C11orf65: variants seen among roughly 807,000 people sequenced by gnomAD.
C11orf65 encodes protein MFI.
In C11orf65, 38 loss-of-function variants were observed where a neutral mutation model predicts 35.3. That is an observed-to-expected ratio of 1.08 (90% CI 0.83 to 1.41). C11orf65 has a LOEUF of 1.41. C11orf65 is among the 40% of genes most tolerant of loss of function. The probability of loss-of-function intolerance (pLI) is 0.00; values close to 1 mark genes in which losing one functional copy is unlikely to be tolerated. For synonymous variants in C11orf65, 105 were observed against 114.4 expected (o/e 0.92, Z 0.53); for missense variants, 370 against 367.1 (o/e 1.01, Z -0.06).
intron 6 of C11orf65, chr11:108,316,150 G>C (rs755970192): frequency 1.3e-6 from 2 of 1,552,062 alleles, no homozygotes; most frequent in Non-Finnish European, 1.8e-6. Context: ...GCCATCACTA[G>C]TGTAGTGCTG....
intron 2 of C11orf65, among the ~76,000 whole-genome samples, chr11:108,359,226 A>C (rs2090411820): frequency 2.0e-5 from 3 of 151,388 alleles, no homozygotes; most frequent in African/African-American, 7.3e-5. Flanking sequence ...TAAAGGGATC[A>C]ATTCAACAAG....
At chr11:108,422,297 T>C (rs527863564) in intron 3 of C11orf65, among the ~76,000 whole-genome samples, 6 of 152,316 alleles carry the variant, frequency 3.9e-5, no homozygotes, top group African/African-American at 1.2e-4. Flanking sequence ...GGTGTGGAAA[T>C]TGAAAAGCTA....
chr11:108,321,104 C>T (rs2085172913), intron 6 of C11orf65, among the ~76,000 whole-genome samples: 2 of 152,088 alleles, frequency 1.3e-5, no homozygotes, highest in Admixed American at 6.5e-5. Context: ...GTAAGTGGAC[C>T]ATGCATTTAA....
intron 2 of C11orf65, among the ~76,000 whole-genome samples, chr11:108,441,711 G>A (rs935271704): frequency 6.6e-6 from 1 of 152,204 alleles, no homozygotes; most frequent in Non-Finnish European, 1.5e-5. Context: ...AGGCAAACAA[G>A]GTCTGGAGTG....
chr11:108,407,675 TG>T (rs1372855583), intron 3 of C11orf65, among the ~76,000 whole-genome samples: 1 of 151,350 alleles, frequency 6.6e-6, no homozygotes, highest in East Asian at 1.9e-4. Flanking sequence ...CCGGGCATGG[TG>T]GCTCACGCCT....
chr11:108,367,340 A>G (rs1272096089), intron 2 of C11orf65: 1 of 184,982 alleles, frequency 5.4e-6, no homozygotes, highest in South Asian at 2.0e-4. Context: ...AAGTTCTGCT[A>G]TGTATTTAAA....
chr11:108,373,582 T>A (rs979755264), intron 2 of C11orf65, among the ~76,000 whole-genome samples: 3 of 152,090 alleles, frequency 2.0e-5, no homozygotes, highest in East Asian at 1.9e-4. Flanking sequence ...GGTCTACAGC[T>A]CCCAGTGTGA....
chr11:108,365,525 T>G lies in C11orf65; in HGVS notation c.226+27683A>C, dbSNP rs746451875. 2.5e-5 allele frequency: 41 copies of G among 1,612,856 alleles called. No individual in the cohort carries two copies. The South Asian group carries it at 4.3e-4, about 17-fold the overall frequency. On this transcript the variant is annotated intron_variant, in intron 2 of 3. Coordinates refer to the C11orf65 transcript ENST00000524755. Reference sequence around the variant, plus strand: ...TGGGTGTGATCTTCAGTATATGAATTACCCTTTCATTCAGCCTTTAGAAAT... The same window carrying G: ...TGGGTGTGATCTTCAGTATATGAATGACCCTTTCATTCAGCCTTTAGAAAT...
chr11:108,380,450 G>A (rs2091846197), downstream of C11orf65, among the ~76,000 whole-genome samples: 1 of 152,208 alleles, frequency 6.6e-6, no homozygotes, highest in African/African-American at 2.4e-5. Flanking sequence ...TGACTTATAA[G>A]GTGTGGATCT....
At chr11:108,443,677 G>A (rs113016658) in intron 2 of C11orf65, among the ~76,000 whole-genome samples, 30 of 152,056 alleles carry the variant, frequency 2.0e-4, no homozygotes, top group South Asian at 6.3e-4. Context: ...ACTCAAAACC[G>A]CTCAACTACA....
At chr11:108,458,145 T>G (rs2093429400) in intron 2 of C11orf65, among the ~76,000 whole-genome samples, 1 of 152,094 alleles carries the variant, frequency 6.6e-6, no homozygotes, top group Non-Finnish European at 1.5e-5. Context: ...TTATTACTAT[T>G]TTTGTTTTCT....
At position 108,336,311 on chromosome 11, in the gene C11orf65, AAAG is replaced by A. The variant is rs375553417; in HGVS notation, c.227-1022_227-1020del. 611 of 194,850 alleles carry A rather than the reference AAAG, an allele frequency of 3.1e-3. 1 individual carries two copies. Among genetic ancestry groups the A allele is most frequent in the South Asian group, 4.7e-3 (47 of 10,016 alleles). The allele number at this position is 194,850 out of a possible 1,614,324, so 12.1% of individuals were successfully genotyped here. A position where few individuals can be genotyped will look rare whatever the true frequency, so the allele number is the denominator to read the frequency against. On this transcript the variant is annotated intron_variant, in intron 2 of 3. Transcript: ENST00000524755. ...GCAACACAGCAAGATCCCGTTTAAAAAAGAAGAAGAAGAAGAAGATGCCATTAT... is the reference window on the plus strand; with the variant it reads ...GCAACACAGCAAGATCCCGTTTAAAAAAGAAGAAGAAGAAGATGCCATTAT...
intron 2 of C11orf65, among the ~76,000 whole-genome samples, chr11:108,363,292 C>T (rs962345386): frequency 3.3e-5 from 5 of 152,124 alleles, no homozygotes; most frequent in East Asian, 1.9e-4. Flanking sequence ...CTGATCTCCC[C>T]GCTTCCTAAG....
At chr11:108,362,097 T>G (rs1389896271) in intron 2 of C11orf65, among the ~76,000 whole-genome samples, 2 of 135,288 alleles carry the variant, frequency 1.5e-5, no homozygotes, top group African/African-American at 2.8e-5. Flanking sequence ...CAAACAAATT[T>G]ACAAGAAAAA....
At chr11:108,396,828 C>T (rs890481792) in intron 6 of C11orf65, among the ~76,000 whole-genome samples, 19 of 98,510 alleles carry the variant, frequency 1.9e-4, no homozygotes, top group African/African-American at 5.6e-4. Flanking sequence ...AGCAAGACTC[C>T]GTCTTAAAAT....
At chr11:108,311,880 A>C (rs1263892671) in intron 6 of C11orf65, among the ~76,000 whole-genome samples, 2 of 152,180 alleles carry the variant, frequency 1.3e-5, no homozygotes, top group African/African-American at 4.8e-5. Context: ...AAAATGCATA[A>C]AGTTAAGGCC....
At chr11:108,366,416 G>A (rs377571813) in intron 2 of C11orf65, 8 of 218,248 alleles carry the variant, frequency 3.7e-5, no homozygotes, top group African/African-American at 1.6e-4. Context: ...TGTTTTTTAT[G>A]TCACTAATTA....
chr11:108,363,244 C>G (rs907305030), intron 2 of C11orf65, among the ~76,000 whole-genome samples: 1 of 152,132 alleles, frequency 6.6e-6, no homozygotes, highest in Non-Finnish European at 1.5e-5. Context: ...TTCTTTTCTT[C>G]TCTTAGATTT....
chr11:108,428,063 T>C (rs910548401), intron 3 of C11orf65, among the ~76,000 whole-genome samples: 25 of 151,632 alleles, frequency 1.6e-4, no homozygotes, highest in African/African-American at 5.8e-4. Flanking sequence ...TCTCCTGACC[T>C]CGTGATCCAC....
Sources: gnomAD v4.1 joint callset for allele counts (sites outside exome capture counted in the v4.1 genomes callset) on GRCh38, gnomAD v4.1.1 for gene constraint, MANE v1.5 for transcripts, NCBI Gene and HGNC (gene_info 2026-07-23, HGNC 2026-07-21) for gene names.